Variants in CHKB observed in about 807,000 individuals in gnomAD.
CHKB encodes choline kinase beta.
In CHKB, 45 loss-of-function variants were observed where a neutral mutation model predicts 57.3. That is an observed-to-expected ratio of 0.79 (90% CI 0.62 to 1.01). CHKB has a LOEUF of 1.01. CHKB is among the 50% of genes least tolerant of loss of function. The probability of loss-of-function intolerance (pLI) is 0.00; values close to 1 mark genes in which losing one functional copy is unlikely to be tolerated. For missense variants in CHKB, 517 were observed against 502.8 expected (o/e 1.03, Z -0.27); for synonymous variants, 224 against 201.8 (o/e 1.11, Z -0.93).
rs1413300668 is a variant in CHKB at position 50,580,679 on chromosome 22, G to C, written c.582-19C>G. Reference sequence around the variant, plus strand: ...TAGGTACCTGAAGCCCAAAGAATAGGATACACTGGCTCTGCTATTCTTTCC... The same window carrying C: ...TAGGTACCTGAAGCCCAAAGAATAGCATACACTGGCTCTGCTATTCTTTCC... On this transcript the variant is annotated intron_variant, in intron 4 of 10. Coordinates refer to ENST00000406938, the MANE Select transcript of CHKB (RefSeq NM_005198.5). The C allele has an allele frequency of 6.2e-7, 1 of 1,610,294 alleles. No individual in the cohort carries two copies. Among genetic ancestry groups the C allele is most frequent in the East Asian group, 2.2e-5 (1 of 44,872 alleles).
At chr22:50,581,356 C>G in intron 4 of CHKB, 64 bp downstream of exon 4, 1 of 1,600,640 alleles carries the variant, frequency 6.2e-7, no homozygotes, top group East Asian at 2.3e-5. Flanking sequence ...GAGCCCCCGA[C>G]ACATCCGCTG....
chr22:50,580,518 G>A, intron 5 of CHKB, 47 bp downstream of exon 5: 3 of 1,609,850 alleles, frequency 1.9e-6, no homozygotes, highest in South Asian at 1.1e-5. Context: ...AGCAACTACT[G>A]GAAGGGCGGA....
chr22:50,581,947 C>T (rs900079936), intron 2 of CHKB, 85 bp from the exon 3 acceptor site: 2 of 1,206,868 alleles, frequency 1.7e-6, no homozygotes, highest in African/African-American at 1.5e-5. Context: ...ACCAGAGCTG[C>T]GACTTCTGAT....
chr22:50,582,517 C>T, intron 1 of CHKB, 41 bp downstream of exon 1: 12 of 1,573,964 alleles, frequency 7.6e-6, no homozygotes, highest in African/African-American at 1.4e-5. Context: ...GACCCCTGAC[C>T]CCGATCCGCG....
intron 1 of CHKB, 99 bp downstream of exon 1, chr22:50,582,459 G>C: frequency 6.8e-7 from 1 of 1,467,796 alleles, no homozygotes; most frequent in Non-Finnish European, 9.1e-7. Flanking sequence ...CCAGGCGCGG[G>C]CGCAAGAGGG....
At chr22:50,580,806 G>A (rs1412338505) in intron 4 of CHKB, 146 bp from the exon 5 acceptor site, 3 of 757,772 alleles carry the variant, frequency 4.0e-6, no homozygotes. Flanking sequence ...TTGAAATGGA[G>A]TCTTGCTCTG....
chr22:50,581,479 A>C lies in CHKB; in HGVS notation c.522T>G (p.Phe174Leu), dbSNP rs901508053. 6.2e-7 allele frequency: 1 copy of C among 1,613,856 alleles called. No individual in the cohort carries two copies. Among genetic ancestry groups the C allele is most frequent in the Non-Finnish European group, 8.5e-7 (1 of 1,180,044 alleles). Residue 174 changes from phenylalanine to leucine, a missense_variant, in exon 4 of 11, where the codon TTT (phenylalanine) becomes TTG (leucine). Physicochemically the swap from Phe to Leu is conservative, Grantham distance 22. Transcript: ENST00000406938. ...TGGTGAAAGGCATCTCCATGCCATG[A>C]AATTGCGCCATCTTCGTGGCAATGG... Reference protein sequence around the residue: ...SAAIATKMAQFHGMEMPFTKE... With the variant: ...SAAIATKMAQLHGMEMPFTKE...
rs778043765 is a variant in CHKB at position 50,581,826 on chromosome 22, C to T, written c.370G>A (p.Ala124Thr). The T allele has an allele frequency of 5.6e-6, 9 of 1,613,664 alleles. No homozygotes were observed. Among genetic ancestry groups the T allele is most frequent in the Non-Finnish European group, 5.9e-6 (7 of 1,180,024 alleles). The change falls in exon 3 of 11, where the codon GCC becomes ACC. Residue 124 changes from alanine (A) to threonine (T), a missense_variant. Coordinates refer to ENST00000406938, the MANE Select transcript of CHKB (RefSeq NM_005198.5). ...CCCAGCGACCGCTCCGCAAGTATGGCGAACATCACGCTTTCTAGCACCAGG... is the reference window on the plus strand; with the variant it reads ...CCCAGCGACCGCTCCGCAAGTATGGTGAACATCACGCTTTCTAGCACCAGG... ...DSLVLESVMF[A>T]ILAERSLGPQ...
Position 50,582,243 on chromosome 22 carries a change from C to T in CHKB, c.333+6G>A. 1.9e-6 allele frequency: 3 copies of T among 1,580,834 alleles called. No individual in the cohort carries two copies. Among genetic ancestry groups the T allele is most frequent in the Non-Finnish European group, 8.6e-7 (1 of 1,165,350 alleles). On this transcript the variant is annotated splice_donor_region_variant and intron_variant, in intron 2 of 10. Coordinates refer to ENST00000406938, the MANE Select transcript of CHKB (RefSeq NM_005198.5). The stretch of plus-strand genomic sequence containing the variant: ...ACTGGTGCTGCGGCGCTCACACCCC[C>T]CTCACCTGCAAGATGGCTCCGTACA...
rs990631675 is a variant in CHKB, at chr22:50,581,925, C to T, written c.334-63G>A. On this transcript the variant is annotated intron_variant, in intron 2 of 10. Transcript: ENST00000406938. ...TGGCACAGGGACACACATGAGGGCT[C>T]GCCTTCCTCCCACCAGAGCTGCGAC... 8.7e-5 allele frequency: 122 copies of T among 1,402,124 alleles called. 1 individual carries two copies. The South Asian group carries it at 1.2e-3, about 13-fold the overall frequency. 86.9% of individuals were successfully genotyped at this position (1,402,124 alleles called of 1,614,324 possible).
Position 50,580,597 on chromosome 22 carries a change from C to T in CHKB, c.645G>A (p.Met215Ile), listed in dbSNP as rs1238983677. ...TGCCCATCTCATCCTTCAGGCTGTA[C>T]ATCTCCAGCAGGTTCATCTCAGGGA... ...TGLPEMNLLE[M>I]YSLKDEMGNL... Residue 215 changes from methionine (M) to isoleucine (I), a missense_variant, in exon 5 of 11, where the codon ATG (methionine) becomes ATA (isoleucine). Physicochemically the swap from Met to Ile is conservative, Grantham distance 10. Transcript: ENST00000406938. 6.2e-7 allele frequency: 1 copy of T among 1,614,044 alleles called. No individual in the cohort carries two copies. Among genetic ancestry groups the T allele is most frequent in the Non-Finnish European group, 8.5e-7 (1 of 1,180,044 alleles).
chr22:50,579,901 C>T (rs2070645191), intron 8 of CHKB, 71 bp from the exon 9 acceptor site: 1 of 1,595,998 alleles, frequency 6.3e-7, no homozygotes, highest in Non-Finnish European at 8.6e-7. Flanking sequence ...TCCTTTCCGG[C>T]CATTCCTTCC....
chr22:50,582,731 G>A lies in CHKB; in HGVS notation c.51C>T (p.Cys17=). 6.2e-7 allele frequency: 1 copy of A among 1,603,488 alleles called. No homozygotes were observed. The highest frequency in any genetic ancestry group is 8.5e-7 in the Non-Finnish European group (1 of 1,176,266). ...AVAGSGAVGG[C]LAKDGLQQSK... The stretch of plus-strand genomic sequence containing the variant: ...ACTGCTGCAAGCCGTCTTTGGCCAG[G>A]CAGCCGCCAACAGCCCCGCTTCCGG... The change falls in exon 1 of 11, where the codon TGC becomes TGT. Residue 17 remains cysteine, a synonymous_variant. Transcript: ENST00000406938.
chr22:50,579,731 T>G lies in CHKB; in HGVS notation c.1027A>C (p.Ser343Arg). ...ACCCTGCCCCTCCTTCCTCACCGAC[T>G]GACTTCTACCAGCAAATCTTCTTCC... ...KLEEDLLVEV[S>R]RYALASHFFW... The change falls in exon 9 of 11, where the codon AGT (serine) becomes CGT (arginine). Residue 343 changes from serine (S) to arginine (R), a missense_variant. By Grantham distance (110) the Ser-to-Arg change is moderately radical. Transcript: ENST00000406938. 6.2e-7 allele frequency: 1 copy of G among 1,611,320 alleles called. No individual in the cohort carries two copies. The highest frequency in any genetic ancestry group is 8.5e-7 in the Non-Finnish European group (1 of 1,177,574).
At chr22:50,580,524 G>A (rs2070668469) in intron 5 of CHKB, 41 bp downstream of exon 5, 1 of 1,611,912 alleles carries the variant, frequency 6.2e-7, no homozygotes, top group Non-Finnish European at 8.5e-7. Flanking sequence ...TACTGGAAGG[G>A]CGGACACCAT....
At chr22:50,581,883 A>G in intron 2 of CHKB, 21 bp from the exon 3 acceptor site, 1 of 1,607,378 alleles carries the variant, frequency 6.2e-7, no homozygotes, top group Non-Finnish European at 8.5e-7. Context: ...ATGGACAGCA[A>G]AGGGGCCAAG....
intron 7 of CHKB, 43 bp downstream of exon 7, chr22:50,580,147 C>T (rs1362034053): frequency 6.2e-7 from 1 of 1,613,188 alleles, no homozygotes; most frequent in Middle Eastern, 1.7e-4. Flanking sequence ...TTTCAAGAGC[C>T]CTATGGGAAC....
intron 4 of CHKB, 40 bp from the exon 5 acceptor site, chr22:50,580,700 T>C: frequency 6.3e-7 from 1 of 1,592,992 alleles, no homozygotes; most frequent in Non-Finnish European, 8.6e-7. Context: ...TCTGCTATTC[T>C]TTCCCACCCC....
rs766848672 is a variant in CHKB at position 50,579,240 on chromosome 22, G to A, written c.1129C>T (p.Arg377Trp). ...TTCTGCTGGAAGTAGAACTGGAACC[G>A]AGACTGGGCATAGTCCTAGGGAAGG... ...EFGYLDYAQS[R>W]FQFYFQQKGQ... Residue 377 changes from arginine (R) to tryptophan (W), a missense_variant, in exon 11 of 11, where the codon CGG (arginine) becomes TGG (tryptophan). Physicochemically the swap from Arg to Trp is moderately radical, Grantham distance 101 (BLOSUM62 -3). Coordinates refer to ENST00000406938, the MANE Select transcript of CHKB (RefSeq NM_005198.5). The A allele has an allele frequency of 3.1e-6, 5 of 1,613,772 alleles. No individual in the cohort carries two copies. The highest frequency in any genetic ancestry group is 2.7e-5 in the African/African-American group (2 of 75,000).
Sources: allele counts gnomAD v4.1 joint callset, GRCh38; gene constraint gnomAD v4.1.1; transcripts MANE v1.5; gene names NCBI Gene and HGNC (gene_info 2026-07-23, HGNC 2026-07-21).